The following TBC1D8B variants were observed in gnomAD, a reference collection of about 807,000 sequenced individuals.
The protein encoded by TBC1D8B is RP11-321G1.1.
A neutral mutation model predicts 82.9 loss-of-function variants in TBC1D8B; 75 were observed. The ratio of observed to expected loss-of-function variants is 0.90; its 90% CI spans 0.75 to 1.10. The LOEUF (loss-of-function observed/expected upper bound fraction) is 1.10, where lower values mean the gene tolerates loss of function less well. Among genes scored for constraint, TBC1D8B ranks in the 50% least tolerant of loss-of-function variants. The pLI is 0.00. For synonymous variants in TBC1D8B, 276 were observed against 276.8 expected, an observed-to-expected ratio of 1.00 and a Z score of 0.03; for missense variants, 794 against 796.9, an observed-to-expected ratio of 1.00 and a Z score of 0.04.
intron 20 of TBC1D8B, among the ~76,000 whole-genome samples, chrX:106,871,578 C>T (rs944492408): frequency 4.5e-5 from 5 of 111,474 alleles, no homozygotes; most frequent in Admixed American, 3.8e-4. Context: ...CCCAACCAAG[C>T]AGCAGATACC....
chrX:106,864,579 C>T (rs1369879797), intron 14 of TBC1D8B, among the ~76,000 whole-genome samples: 1 of 95,763 alleles, frequency 1.0e-5, no homozygotes, highest in Non-Finnish European at 2.0e-5. Context: ...AATACAGTGG[C>T]ATGATCTCGG....
rs373627557 is a variant in TBC1D8B at position 106,828,907 on chromosome X, A to G, written c.1203+1570A>G. On this transcript the variant is annotated intron_variant, in intron 7 of 20. Transcript: ENST00000357242. ...CAAGACAGGGATGCCCTCTCTCACC[A>G]CTCCTATTCAACATAGTGTTGGAAG... The G allele has an allele frequency of 1.6e-4, 17 of 106,737 alleles. No homozygotes were observed. The East Asian group carries it at 4.6e-3, about 29-fold the overall frequency. The allele number at this position is 106,737 out of a possible 1,213,427, so 8.8% of individuals were successfully genotyped here. A position where few individuals can be genotyped will look rare whatever the true frequency, so the allele number is the denominator to read the frequency against.
At chrX:106,807,313 C>T (rs954987911) in intron 1 of TBC1D8B, among the ~76,000 whole-genome samples, 3 of 109,641 alleles carry the variant, frequency 2.7e-5, no homozygotes, top group African/African-American at 1.0e-4. Flanking sequence ...GGGCAGATCA[C>T]GCTTTGTGCT....
intron 14 of TBC1D8B, among the ~76,000 whole-genome samples, chrX:106,864,667 C>T (rs764503178): frequency 4.6e-5 from 5 of 109,785 alleles, no homozygotes; most frequent in African/African-American, 6.6e-5. Flanking sequence ...TATAGGCATA[C>T]GCCACCACAC....
chrX:106,869,570 T>G (rs747617279), intron 19 of TBC1D8B, 29 bp downstream of exon 19: 1 of 1,132,119 alleles, frequency 8.8e-7, no homozygotes, highest in Non-Finnish European at 1.2e-6. Flanking sequence ...TATCATTTAA[T>G]TTATTTAGTT....
chrX:106,848,147 C>A (rs1242560066), intron 10 of TBC1D8B, 39 bp from the exon 11 acceptor site: 1 of 937,295 alleles, frequency 1.1e-6, no homozygotes. Flanking sequence ...ATTACTTGAG[C>A]AATATTTGCT....
At chrX:106,821,544 A>G (rs1419683768) in intron 3 of TBC1D8B, among the ~76,000 whole-genome samples, 1 of 111,580 alleles carries the variant, frequency 9.0e-6, no homozygotes, top group African/African-American at 3.2e-5. Flanking sequence ...ATGTACCTGT[A>G]TAGATATATA....
chrX:106,861,350 G>T lies in TBC1D8B; in HGVS notation c.2353-4209G>T, dbSNP rs1450063944. Among the ~76,000 whole-genome samples the T allele has an allele frequency of 3.6e-5, 4 of 111,797 alleles. No individual in the cohort carries two copies. The East Asian group carries it at 1.1e-3, about 31-fold the overall frequency. ...TGAAGTCCCCCACTATTATTGTGTA[G>T]TTATCTAAGTCTCTTTATAGGCCTC... On this transcript the variant is annotated intron_variant, in intron 14 of 20. Coordinates refer to ENST00000357242, the MANE Select transcript of TBC1D8B (RefSeq NM_017752.3).
intron 11 of TBC1D8B, 35 bp from the exon 12 acceptor site, chrX:106,849,990 A>G (rs182516510): frequency 5.2e-6 from 6 of 1,147,097 alleles, no homozygotes; most frequent in Middle Eastern, 2.4e-4. Flanking sequence ...CTTTTGAAAA[A>G]TGTTTATTTT....
chrX:106,870,635 T>G, intron 19 of TBC1D8B, 81 bp from the exon 20 acceptor site: 1 of 602,911 alleles, frequency 1.7e-6, no homozygotes, highest in Middle Eastern at 3.6e-4. Flanking sequence ...GAAATACCTT[T>G]TAATCATAAT....
intron 20 of TBC1D8B, among the ~76,000 whole-genome samples, chrX:106,872,456 T>A (rs1419255872): frequency 2.6e-3 from 2 of 783 alleles, no homozygotes; most frequent in African/African-American, 3.1e-3. Context: ...GAAAAATATT[T>A]ATATATATAT....
chrX:106,827,402 T>G (rs762378646), intron 7 of TBC1D8B, 65 bp downstream of exon 7: 125 of 1,140,327 alleles, frequency 1.1e-4, no homozygotes, highest in Non-Finnish European at 1.5e-4. Context: ...TAGCCCATTC[T>G]TCAAGAGGAA....
rs995265334 is a variant in TBC1D8B at position 106,840,997 on chromosome X, G to C, written c.1719+113G>C. On this transcript the variant is annotated intron_variant, in intron 10 of 20. Transcript: ENST00000357242. ...TAAGGAAAGAGATGGGGGTGAGATA[G>C]ATAGAGCATAGTATTAATGTAAGTA... 80 of 585,202 alleles carry C rather than the reference G, an allele frequency of 1.4e-4. No homozygotes were observed. The African/African-American group carries it at 1.5e-3, about 11-fold the overall frequency. 48.2% of individuals were successfully genotyped at this position (585,202 alleles called of 1,213,427 possible). A position where few individuals can be genotyped will look rare whatever the true frequency, so the allele number is the denominator to read the frequency against.
chrX:106,849,220 A>ATTTTTTTTTTTTTTTTTTTT (rs761948032), intron 11 of TBC1D8B: 1 of 614,868 alleles, frequency 1.6e-6, no homozygotes, highest in African/African-American at 3.2e-5. Flanking sequence ...TTATTTGTGT[A>ATTTTTTTTTTTTTTTTTTTT]TTTTTTTTTT....
chrX:106,863,906 C>T (rs932720660), intron 14 of TBC1D8B, among the ~76,000 whole-genome samples: 1 of 111,716 alleles, frequency 9.0e-6, no homozygotes, highest in Non-Finnish European at 1.9e-5. Flanking sequence ...TCCGCCCTGC[C>T]GTGTAGGTGT....
Position 106,874,758 on chromosome X carries a change from G to C in TBC1D8B, c.*793G>C, listed in dbSNP as rs993471794. 1 of 111,967 alleles carries C rather than the reference G, an allele frequency of 8.9e-6. No individual in the cohort carries two copies. Among genetic ancestry groups the C allele is most frequent in the Non-Finnish European group, 1.9e-5 (1 of 53,206 alleles). 9.2% of individuals were successfully genotyped at this position (111,967 alleles called of 1,213,427 possible). A position where few individuals can be genotyped will look rare whatever the true frequency, so the allele number is the denominator to read the frequency against. On this transcript the variant is annotated 3_prime_UTR_variant, in exon 21 of 21. Coordinates refer to ENST00000357242, the MANE Select transcript of TBC1D8B (RefSeq NM_017752.3). The stretch of plus-strand genomic sequence containing the variant: ...AATTAACTGTATAGGTCTTTCATTA[G>C]ACCGAGACATCACTAGAAATTCTGG...
intron 7 of TBC1D8B, among the ~76,000 whole-genome samples, chrX:106,837,282 C>A (rs1932196544): frequency 4.5e-5 from 5 of 111,380 alleles, no homozygotes; most frequent in Admixed American, 3.8e-4. Flanking sequence ...GAAATATTTG[C>A]CAATTATATG....
At chrX:106,849,896 G>A in intron 11 of TBC1D8B, 129 bp from the exon 12 acceptor site, 1 of 1,069,205 alleles carries the variant, frequency 9.4e-7, no homozygotes, top group Non-Finnish European at 1.2e-6. Flanking sequence ...ATACAGAAGA[G>A]GTTCTGAAAG....
At position 106,873,838 on chromosome X, in the gene TBC1D8B, T is replaced by G; in HGVS notation, c.3236T>G (p.Phe1079Cys). ...GAGGAACCTCAGTGGTCATTTGCAT[T>G]TGAACAGATTCTTGCATCGCTGTTG... The part of the protein sequence containing the change: ...FREEPQWSFA[F>C]EQILASLLNE... Residue 1079 changes from phenylalanine (F) to cysteine (C), a missense_variant, in exon 21 of 21, where the codon TTT becomes TGT. Coordinates refer to ENST00000357242, the MANE Select transcript of TBC1D8B (RefSeq NM_017752.3). 3 of 1,212,120 alleles carry G rather than the reference T, an allele frequency of 2.5e-6. No individual in the cohort carries two copies. Among genetic ancestry groups the G allele is most frequent in the Non-Finnish European group, 3.3e-6 (3 of 895,594 alleles).
Sources: allele counts gnomAD v4.1 joint callset (sites outside exome capture counted in the v4.1 genomes callset), GRCh38; gene constraint gnomAD v4.1.1; transcripts MANE v1.5; gene names NCBI Gene and HGNC (gene_info 2026-07-23, HGNC 2026-07-21).